The following KIF15 variants were observed in gnomAD, a reference collection of about 807,000 sequenced individuals.
The protein encoded by KIF15 is kinesin-like protein KIF15.
A neutral mutation model predicts 190.6 loss-of-function variants in KIF15; 140 were observed. The observed-to-expected ratio is 0.73, with a 90% confidence interval of 0.64 to 0.84. The LOEUF is 0.84. Among genes scored for constraint, KIF15 ranks in the 40% least tolerant of loss-of-function variants. The probability of loss-of-function intolerance (pLI) is 0.00; values close to 1 mark genes in which losing one functional copy is unlikely to be tolerated. For synonymous variants in KIF15, 528 were observed against 551.3 expected, an observed-to-expected ratio of 0.96 and a Z score of 0.59; for missense variants, 1,372 against 1,584.4, an observed-to-expected ratio of 0.87 and a Z score of 2.28.
intron 7 of KIF15, among the ~76,000 whole-genome samples, chr3:44,792,670 C>T (rs1706770680): frequency 6.6e-6 from 1 of 151,870 alleles, no homozygotes; most frequent in African/African-American, 2.4e-5. Context: ...CCTCAGCCTC[C>T]CGAGTAGCTG....
intron 1 of KIF15, among the ~76,000 whole-genome samples, chr3:44,771,771 T>C (rs564603745): frequency 1.3e-5 from 2 of 152,234 alleles, no homozygotes; most frequent in Non-Finnish European, 2.9e-5. Context: ...GCTCAATTTA[T>C]GGAAAAGCCA....
At chr3:44,853,499 G>A (rs1481155371), downstream of KIF15, among the ~76,000 whole-genome samples, 1 of 152,198 alleles carries the variant, frequency 6.6e-6, no homozygotes, top group Non-Finnish European at 1.5e-5. Context: ...TATAAATAAT[G>A]GAGCTATAAA....
At chr3:44,814,803 TA>T in intron 19 of KIF15, 107 bp from the exon 20 acceptor site, 1 of 814,164 alleles carries the variant, frequency 1.2e-6, no homozygotes, top group Middle Eastern at 4.1e-4. Context: ...CATTTTTCCT[TA>T]AAATAGTCTC....
rs2125697617 is a variant in KIF15, at chr3:44,829,954, A to G, written c.2944-17A>G. ...TAATGTCATTGGGTATGAAGATATT[A>G]TTTCTGTCCTCATCAGAAAGTTGTA... is the stretch of plus-strand genomic sequence containing the variant. On this transcript the variant is annotated splice_polypyrimidine_tract_variant and intron_variant, in intron 24 of 34. Transcript: ENST00000326047. 1.3e-6 allele frequency: 2 copies of G among 1,481,832 alleles called. No individual in the cohort carries two copies. The highest frequency in any genetic ancestry group is 4.8e-5 in the East Asian group (2 of 41,296). 91.8% of individuals were successfully genotyped at this position (1,481,832 alleles called of 1,614,324 possible). A position where few individuals can be genotyped will look rare whatever the true frequency, so the allele number is the denominator to read the frequency against.
intron 6 of KIF15, among the ~76,000 whole-genome samples, chr3:44,785,189 A>G (rs1706351492): frequency 6.6e-6 from 1 of 152,240 alleles, no homozygotes; most frequent in South Asian, 2.1e-4. Context: ...CTGGTTTACA[A>G]GAAAGGAAAA....
chr3:44,802,923 A>G lies in KIF15; in HGVS notation c.1619A>G (p.Asp540Gly). Residue 540 changes from aspartate (D) to glycine (G), a missense_variant, in exon 14 of 35, where the codon GAT becomes GGT. Asp to Gly is a moderately conservative substitution (Grantham distance 94). Transcript: ENST00000326047. ...CCTGTGAAAAGAGCTCAAGAAATGG[A>G]TGCCCAGACCATTGCAAAACTAGAA... The part of the protein sequence containing the change: ...LEPVKRAQEM[D>G]AQTIAKLEKA... The G allele has an allele frequency of 6.2e-7, 1 of 1,612,520 alleles. No homozygotes were observed. The highest frequency in any genetic ancestry group is 1.1e-5 in the South Asian group (1 of 90,652).
At chr3:44,863,138 T>C (rs1461285850) in intron 6 of KIF15, 1 of 151,996 alleles carries the variant, frequency 6.6e-6, no homozygotes, top group African/African-American at 2.4e-5. Context: ...TTAGTGTTAG[T>C]GTATTATATG....
intron 6 of KIF15, chr3:44,862,351 A>G (rs923679081): frequency 2.4e-4 from 38 of 160,754 alleles, no homozygotes; most frequent in Admixed American, 2.0e-4. Context: ...ACCCTCGTCC[A>G]GTGTAGGTGG....
intron 6 of KIF15, chr3:44,861,976 C>G: frequency 7.2e-7 from 1 of 1,388,122 alleles, no homozygotes; most frequent in Middle Eastern, 2.0e-4. Flanking sequence ...GACCGCGTAC[C>G]CTGACACCCC....
In KIF15 at chr3:44,771,402, A is replaced by C. The variant is rs866645059; in HGVS notation, c.20-2993A>C. Among the ~76,000 whole-genome samples, 7 of 152,278 alleles carry C rather than the reference A, an allele frequency of 4.6e-5. No homozygotes were observed. In the South Asian group the frequency reaches 8.3e-4, roughly 18 times the overall value. Reference sequence around the variant, plus strand: ...GAACATATATTAATATTATTCCCTAAAATATAACCTGAAGAAGATTAAACA... The same window carrying C: ...GAACATATATTAATATTATTCCCTACAATATAACCTGAAGAAGATTAAACA... On this transcript the variant is annotated intron_variant, in intron 1 of 34. Coordinates refer to ENST00000326047, the MANE Select transcript of KIF15 (RefSeq NM_020242.3).
chr3:44,796,748 G>C (rs936471767), intron 8 of KIF15, among the ~76,000 whole-genome samples: 1 of 152,006 alleles, frequency 6.6e-6, no homozygotes, highest in African/African-American at 2.4e-5. Context: ...CCCCCACCAA[G>C]CTTCTGTTTT....
chr3:44,776,725 A>T (rs776001488), intron 3 of KIF15, among the ~76,000 whole-genome samples: 2 of 152,188 alleles, frequency 1.3e-5, no homozygotes. Flanking sequence ...GTGCTATCCA[A>T]TGGAACTTTC....
At chr3:44,779,274 C>T (rs183143130) in intron 4 of KIF15, among the ~76,000 whole-genome samples, 43 of 152,214 alleles carry the variant, frequency 2.8e-4, no homozygotes, top group African/African-American at 6.0e-4. Context: ...CCCTGACCTA[C>T]GCCTAGAATC....
chr3:44,845,374 A>G (rs1698797534), intron 30 of KIF15, among the ~76,000 whole-genome samples: 1 of 152,164 alleles, frequency 6.6e-6, no homozygotes. Context: ...AGGGATGGCT[A>G]TAATGGATTT....
At chr3:44,809,946 A>G (rs1034619852) in intron 16 of KIF15, among the ~76,000 whole-genome samples, 5 of 152,152 alleles carry the variant, frequency 3.3e-5, no homozygotes, top group African/African-American at 1.2e-4. Flanking sequence ...GTGTGCCTGT[A>G]GTCCCAGCTA....
chr3:44,823,978 C>T (rs1013948909), intron 20 of KIF15, among the ~76,000 whole-genome samples: 2 of 152,124 alleles, frequency 1.3e-5, no homozygotes, highest in South Asian at 2.1e-4. Flanking sequence ...CTGGGTGAGG[C>T]GACGCCCACC....
chr3:44,861,632 C>A (rs939953335), intron 6 of KIF15, among the ~76,000 whole-genome samples: 16 of 152,180 alleles, frequency 1.1e-4, no homozygotes, highest in African/African-American at 3.1e-4. Context: ...ACGGCTAAGC[C>A]GCGAGAAGTT....
chr3:44,791,878 C>T (rs1329638528), intron 7 of KIF15, among the ~76,000 whole-genome samples: 1 of 152,052 alleles, frequency 6.6e-6, no homozygotes, highest in East Asian at 1.9e-4. Context: ...CCACCACGCC[C>T]AGCTAAATTT....
At chr3:44,836,474 GAAGA>G (rs1698329294) in intron 26 of KIF15, among the ~76,000 whole-genome samples, 1 of 152,020 alleles carries the variant, frequency 6.6e-6, no homozygotes, top group Non-Finnish European at 1.5e-5. Flanking sequence ...ACTCATAAGG[GAAGA>G]TTATACAATA....
Sources: gnomAD v4.1 joint callset for allele counts (sites outside exome capture counted in the v4.1 genomes callset) on GRCh38, gnomAD v4.1.1 for gene constraint, MANE v1.5 for transcripts, NCBI Gene and HGNC (gene_info 2026-07-23, HGNC 2026-07-21) for gene names.